PPM1H: variants seen among roughly 807,000 people sequenced by gnomAD.
PPM1H encodes protein phosphatase 1H.
In PPM1H, 27 loss-of-function variants were observed where a neutral mutation model predicts 54.9. That is an observed-to-expected ratio of 0.49 (90% CI 0.36 to 0.68). The LOEUF is 0.68. PPM1H is among the 30% of genes least tolerant of loss of function. The probability of loss-of-function intolerance (pLI) is 0.00; values close to 1 mark genes in which losing one functional copy is unlikely to be tolerated. For synonymous variants in PPM1H, 305 were observed against 270.8 expected (o/e 1.13, Z -1.24); for missense variants, 596 against 667.8 (o/e 0.89, Z 1.19).
intron 6 of PPM1H, among the ~76,000 whole-genome samples, chr12:62,717,451 C>CAG (rs60561309): frequency 0.086 from 12,845 of 148,540 alleles, 1,216 homozygotes; most frequent in African/African-American, 0.24. Context: ...CATGCTAATG[C>CAG]AGAGAGAGAG....
chr12:62,669,979 T>TC (rs1010502516), intron 8 of PPM1H, among the ~76,000 whole-genome samples: 8 of 132,374 alleles, frequency 6.0e-5, no homozygotes, highest in Non-Finnish European at 9.5e-5. Context: ...CTTTTTTTTT[T>TC]TTTTTTTTTT....
At chr12:62,876,548 C>T (rs1870177901) in intron 1 of PPM1H, among the ~76,000 whole-genome samples, 1 of 152,172 alleles carries the variant, frequency 6.6e-6, no homozygotes, top group African/African-American at 2.4e-5. Flanking sequence ...GGATGTTCAA[C>T]TTAGGAAAAG....
chr12:62,656,678 T>G (rs931741417), intron 9 of PPM1H, among the ~76,000 whole-genome samples: 9 of 152,030 alleles, frequency 5.9e-5, no homozygotes, highest in African/African-American at 2.2e-4. Context: ...CTTCCAAATA[T>G]TTGCATATAA....
Position 62,720,072 on chromosome 12 carries a change from G to T in PPM1H, c.1073+99C>A, listed in dbSNP as rs761863562. Reference sequence around the variant, plus strand: ...TTACCACAAACCCTGGTCTCTGGCTGTGCTTCCTGATCCAAACTGTGTAAC... The same window carrying T: ...TTACCACAAACCCTGGTCTCTGGCTTTGCTTCCTGATCCAAACTGTGTAAC... On this transcript the variant is annotated intron_variant, in intron 6 of 9. Transcript: ENST00000228705. 294 of 1,044,570 alleles carry T rather than the reference G, an allele frequency of 2.8e-4. 1 individual carries two copies. The highest frequency in any genetic ancestry group is 2.5e-4 in the Non-Finnish European group (170 of 680,820). The allele number at this position is 1,044,570 out of a possible 1,614,324, so 64.7% of individuals were successfully genotyped here.
At chr12:62,665,310 A>C (rs2075911640) in intron 9 of PPM1H, among the ~76,000 whole-genome samples, 2 of 152,136 alleles carry the variant, frequency 1.3e-5, no homozygotes, top group South Asian at 4.1e-4. Context: ...CCACCTCCCA[A>C]AGTGCTGGGA....
intron 3 of PPM1H, among the ~76,000 whole-genome samples, chr12:62,792,307 G>T (rs951794210): frequency 6.6e-6 from 1 of 152,110 alleles, no homozygotes; most frequent in African/African-American, 2.4e-5. Context: ...TTAATAGTGT[G>T]ACTCAATATT....
chr12:62,827,177 C>T (rs910141177), intron 2 of PPM1H, among the ~76,000 whole-genome samples: 4 of 152,176 alleles, frequency 2.6e-5, no homozygotes, highest in Non-Finnish European at 5.9e-5. Context: ...AAGGTAGAAT[C>T]AGAATCAGTA....
intron 4 of PPM1H, among the ~76,000 whole-genome samples, chr12:62,787,089 C>G (rs545913394): frequency 6.6e-6 from 1 of 152,226 alleles, no homozygotes; most frequent in Admixed American, 6.5e-5. Context: ...CTAGGAGGAA[C>G]GAAGGCTGCC....
chr12:62,669,080 C>T (rs928624024), intron 8 of PPM1H, among the ~76,000 whole-genome samples: 1 of 152,262 alleles, frequency 6.6e-6, no homozygotes, highest in Non-Finnish European at 1.5e-5. Flanking sequence ...CAGGAGTACA[C>T]TGCACTGGTG....
chr12:62,809,045 A>G (rs571880067), intron 2 of PPM1H, among the ~76,000 whole-genome samples: 18 of 152,318 alleles, frequency 1.2e-4, no homozygotes, highest in African/African-American at 3.8e-4. Context: ...ATGATCAAAT[A>G]GGTTTTGCTG....
chr12:62,780,634 G>A (rs572961025), intron 4 of PPM1H, among the ~76,000 whole-genome samples: 1 of 152,290 alleles, frequency 6.6e-6, no homozygotes, highest in African/African-American at 2.4e-5. Flanking sequence ...TTTTCAACAG[G>A]TGTGATACTT....
At chr12:62,895,335 A>G (rs780092637) in intron 1 of PPM1H, among the ~76,000 whole-genome samples, 65 of 152,338 alleles carry the variant, frequency 4.3e-4, no homozygotes, top group Non-Finnish European at 8.4e-4. Flanking sequence ...GTATTGGTTC[A>G]TTTTGGAAAG....
At chr12:62,683,265 A>G (rs1393334161) in intron 8 of PPM1H, among the ~76,000 whole-genome samples, 1 of 152,010 alleles carries the variant, frequency 6.6e-6, no homozygotes, top group Admixed American at 6.6e-5. Context: ...GAAGACCTCC[A>G]GAAGCCGGTG....
intron 1 of PPM1H, among the ~76,000 whole-genome samples, chr12:62,907,840 G>A (rs555112392): frequency 6.6e-6 from 1 of 152,138 alleles, no homozygotes; most frequent in Admixed American, 6.6e-5. Context: ...AGCTCCCAGA[G>A]GCTGACAGAA....
intron 5 of PPM1H, among the ~76,000 whole-genome samples, chr12:62,723,696 G>A (rs929480887): frequency 1.3e-5 from 2 of 152,124 alleles, no homozygotes; most frequent in African/African-American, 4.8e-5. Context: ...AAATTACTCA[G>A]TTTGTAGTAT....
chr12:62,882,835 C>T (rs1425550105), intron 1 of PPM1H, among the ~76,000 whole-genome samples: 1 of 152,206 alleles, frequency 6.6e-6, no homozygotes, highest in African/African-American at 2.4e-5. Flanking sequence ...AACTGTCTCA[C>T]ATATACCCCC....
intron 3 of PPM1H, among the ~76,000 whole-genome samples, chr12:62,793,510 A>T (rs915155719): frequency 6.6e-6 from 1 of 151,988 alleles, no homozygotes; most frequent in Non-Finnish European, 1.5e-5. Flanking sequence ...AGATCACCTG[A>T]GGTCGGGCAG....
intron 1 of PPM1H, among the ~76,000 whole-genome samples, chr12:62,870,219 G>T (rs1592645815): frequency 6.6e-6 from 1 of 152,180 alleles, no homozygotes; most frequent in South Asian, 2.1e-4. Flanking sequence ...CTTGAGTCAG[G>T]GAGGGCATCC....
chr12:62,657,211 C>T lies in PPM1H; in HGVS notation c.1398-8575G>A, dbSNP rs2075849806. ...CATGAGAGAGGGTGAGACGCCCTGC[C>T]AGGCCTCATCCACCTCTATGCACCC... On this transcript the variant is annotated intron_variant, in intron 9 of 9. Transcript: ENST00000228705. Among the ~76,000 whole-genome samples, 10 of 152,304 alleles carry T rather than the reference C, an allele frequency of 6.6e-5. No individual in the cohort carries two copies. The South Asian group carries it at 2.1e-3, about 32-fold the overall frequency.
Sources: gnomAD v4.1 joint callset for allele counts (sites outside exome capture counted in the v4.1 genomes callset) on GRCh38, gnomAD v4.1.1 for gene constraint, MANE v1.5 for transcripts, NCBI Gene and HGNC (gene_info 2026-07-23, HGNC 2026-07-21) for gene names.